The following VEPH1 variants were observed in gnomAD, a reference collection of about 807,000 sequenced individuals.
VEPH1 encodes ventricular zone-expressed PH domain-containing protein homolog 1.
A neutral mutation model predicts 85.2 loss-of-function variants in VEPH1; 80 were observed. The ratio of observed to expected loss-of-function variants is 0.94; its 90% CI spans 0.78 to 1.13. The LOEUF (loss-of-function observed/expected upper bound fraction) is 1.13, where lower values mean the gene tolerates loss of function less well. Ranked by LOEUF, VEPH1 falls within the 50% of genes most tolerant of loss-of-function variation. The pLI is 0.00. For missense variants in VEPH1, 955 were observed against 980.5 expected (o/e 0.97, Z 0.35); for synonymous variants, 297 against 348.0 (o/e 0.85, Z 1.63).
At chr3:157,477,111 G>A (rs1010810747) in intron 2 of VEPH1, among the ~76,000 whole-genome samples, 1 of 152,030 alleles carries the variant, frequency 6.6e-6, no homozygotes, top group Admixed American at 6.6e-5. Flanking sequence ...AGTTCTGCAG[G>A]TCAGAAGTCA....
intron 2 of VEPH1, among the ~76,000 whole-genome samples, chr3:157,482,195 T>C (rs1049513033): frequency 6.6e-6 from 1 of 150,598 alleles, no homozygotes; most frequent in African/African-American, 2.5e-5. Context: ...TAGGTTTTCC[T>C]AATATTGTGA....
chr3:157,305,331 C>T (rs1719393772), intron 11 of VEPH1, among the ~76,000 whole-genome samples: 1 of 151,704 alleles, frequency 6.6e-6, no homozygotes. Context: ...GGGATGGTCT[C>T]GATCTCCTGA....
At chr3:157,406,217 T>C (rs565273428) in intron 6 of VEPH1, among the ~76,000 whole-genome samples, 3 of 152,284 alleles carry the variant, frequency 2.0e-5, no homozygotes, top group South Asian at 2.1e-4. Flanking sequence ...CCCAAAGTCA[T>C]TGAACCTACC....
Position 157,265,667 on chromosome 3 carries a change from T to C in VEPH1, c.2129-5A>G, listed in dbSNP as rs1302960277. Reference sequence around the variant, plus strand: ...GCTGGCCATCTTGATTTACAACTGTTGAAGGTAGCAGAATAATCATGCCAT... The same window carrying C: ...GCTGGCCATCTTGATTTACAACTGTCGAAGGTAGCAGAATAATCATGCCAT... On this transcript the variant is annotated splice_region_variant and splice_polypyrimidine_tract_variant and intron_variant, in intron 12 of 13. Transcript: ENST00000362010. 1 of 1,612,736 alleles carries C rather than the reference T, an allele frequency of 6.2e-7. No individual in the cohort carries two copies. Among genetic ancestry groups the C allele is most frequent in the East Asian group, 2.2e-5 (1 of 44,834 alleles).
At chr3:157,300,164 C>T (rs1718623743) in intron 11 of VEPH1, among the ~76,000 whole-genome samples, 1 of 151,882 alleles carries the variant, frequency 6.6e-6, no homozygotes, top group South Asian at 2.1e-4. Context: ...TTGGCATTCA[C>T]ATAATATCCA....
At chr3:157,320,258 A>T (rs1429322390) in intron 9 of VEPH1, among the ~76,000 whole-genome samples, 1 of 152,190 alleles carries the variant, frequency 6.6e-6, no homozygotes, top group East Asian at 1.9e-4. Flanking sequence ...AGTTTATGAG[A>T]TAATGGAGGG....
intron 4 of VEPH1, chr3:157,459,835 G>T: frequency 6.6e-7 from 1 of 1,518,644 alleles, no homozygotes; most frequent in Non-Finnish European, 8.8e-7. Flanking sequence ...ATACCCCACT[G>T]AGTGACGTGT....
chr3:157,394,466 G>C (rs529200276), intron 6 of VEPH1, among the ~76,000 whole-genome samples: 156 of 152,318 alleles, frequency 1.0e-3, no homozygotes, highest in Non-Finnish European at 1.9e-3. Flanking sequence ...CTGTCTCATA[G>C]AGGAGTCATG....
intron 2 of VEPH1, 54 bp from the exon 3 acceptor site, chr3:157,470,583 A>G: frequency 1.3e-6 from 2 of 1,558,884 alleles, no homozygotes; most frequent in African/African-American, 1.4e-5. Flanking sequence ...GTTATCCTTC[A>G]AAGGACAAAA....
At chr3:157,471,066 C>T (rs942811940) in intron 2 of VEPH1, among the ~76,000 whole-genome samples, 2 of 152,160 alleles carry the variant, frequency 1.3e-5, no homozygotes, top group African/African-American at 4.8e-5. Context: ...CCCTCAAATA[C>T]CTGATCATCT....
At chr3:157,469,078 T>C (rs1736671746) in intron 3 of VEPH1, among the ~76,000 whole-genome samples, 1 of 152,206 alleles carries the variant, frequency 6.6e-6, no homozygotes, top group African/African-American at 2.4e-5. Context: ...GTTTCTGATA[T>C]ATATCAATAA....
At chr3:157,405,927 C>T (rs556884388) in intron 6 of VEPH1, among the ~76,000 whole-genome samples, 1 of 152,154 alleles carries the variant, frequency 6.6e-6, no homozygotes, top group Non-Finnish European at 1.5e-5. Flanking sequence ...AAAGAATCAG[C>T]AGCTCCACCC....
At chr3:157,452,868 C>A (rs373217085) in intron 4 of VEPH1, among the ~76,000 whole-genome samples, 148 of 152,236 alleles carry the variant, frequency 9.7e-4, no homozygotes, top group African/African-American at 3.4e-3. Context: ...ATTCATTCAC[C>A]TATTGTTGGC....
At chr3:157,308,139 C>A (rs929918478) in intron 11 of VEPH1, among the ~76,000 whole-genome samples, 13 of 151,276 alleles carry the variant, frequency 8.6e-5, no homozygotes, top group African/African-American at 3.1e-4. Context: ...TAAATAATTT[C>A]TCTTTCCCTC....
At chr3:157,374,160 C>A (rs1357399826) in intron 7 of VEPH1, among the ~76,000 whole-genome samples, 1 of 152,208 alleles carries the variant, frequency 6.6e-6, no homozygotes, top group Non-Finnish European at 1.5e-5. Context: ...AAAACCGAAG[C>A]CTTTCCTTCC....
In VEPH1 at chr3:157,470,410, C is replaced by T; in HGVS notation, c.258G>A (p.Trp86Ter). ...TCAGGTTATGTTCCAAGCAGGAGTC[C>T]CAGAGCCCCACAAGGGCCTTTGCAT... Reference protein sequence around the residue: ...EKHAKALVGLWDSCLEHNLRP... With the variant: ...EKHAKALVGL The change falls in exon 3 of 14, where the codon TGG becomes TGA. Residue 86 changes from tryptophan (W) to a stop codon, truncating the protein, a stop_gained. Transcript: ENST00000362010. LOFTEE classifies it high-confidence loss of function. The T allele has an allele frequency of 6.2e-7, 1 of 1,614,076 alleles. No homozygotes were observed. Among genetic ancestry groups the T allele is most frequent in the Admixed American group, 1.7e-5 (1 of 60,004 alleles).
chr3:157,390,578 GC>G (rs1261428996), intron 6 of VEPH1, among the ~76,000 whole-genome samples: 2 of 152,256 alleles, frequency 1.3e-5, no homozygotes, highest in African/African-American at 4.8e-5. Context: ...GAGTGCCTCA[GC>G]CATTTGGAAA....
intron 5 of VEPH1, among the ~76,000 whole-genome samples, chr3:157,427,586 G>T (rs772876994): frequency 6.6e-6 from 1 of 152,076 alleles, no homozygotes; most frequent in Non-Finnish European, 1.5e-5. Flanking sequence ...CTCCTGAGTC[G>T]CTGGGACTAC....
chr3:157,272,605 G>C (rs1388480795), intron 12 of VEPH1, among the ~76,000 whole-genome samples: 1 of 147,154 alleles, frequency 6.8e-6, no homozygotes, highest in Non-Finnish European at 1.5e-5. Context: ...CCACAGGCAC[G>C]TGTCACCACA....
Sources: allele counts gnomAD v4.1 joint callset (sites outside exome capture counted in the v4.1 genomes callset), GRCh38; gene constraint gnomAD v4.1.1; transcripts MANE v1.5; gene names NCBI Gene and HGNC (gene_info 2026-07-23, HGNC 2026-07-21).